The following CORIN variants were observed in gnomAD, a reference collection of about 807,000 sequenced individuals.
The protein encoded by CORIN is atrial natriuretic peptide-converting enzyme.
CORIN carries 117 observed loss-of-function variants against 125.3 expected under a neutral mutation model. That is an observed-to-expected ratio of 0.93 (90% CI 0.80 to 1.09). CORIN has a LOEUF of 1.09. Ranked by LOEUF, CORIN falls within the 50% of genes least tolerant of loss-of-function variation. CORIN has a pLI of 0.00. For missense variants in CORIN, 1,253 were observed against 1,306.7 expected (o/e 0.96, Z 0.63); for synonymous variants, 450 against 466.4 (o/e 0.96, Z 0.45).
At chr4:47,806,873 T>C (rs1178200962) in intron 2 of CORIN, 30 bp downstream of exon 2, 1 of 1,586,044 alleles carries the variant, frequency 6.3e-7, no homozygotes, top group Non-Finnish European at 8.6e-7. Flanking sequence ...CACTTTAACT[T>C]CATTTTTATT....
intron 9 of CORIN, among the ~76,000 whole-genome samples, chr4:47,676,073 C>T (rs972798040): frequency 6.6e-6 from 1 of 152,092 alleles, no homozygotes; most frequent in Non-Finnish European, 1.5e-5. Flanking sequence ...AGAGGCTAGA[C>T]AGATAGGCAG....
At chr4:47,800,551 A>T (rs1731495374) in intron 2 of CORIN, among the ~76,000 whole-genome samples, 1 of 152,136 alleles carries the variant, frequency 6.6e-6, no homozygotes, top group Admixed American at 6.5e-5. Context: ...CTCTGGACAA[A>T]ACACAAAAAG....
chr4:47,671,663 C>A (rs1724765208), intron 10 of CORIN, among the ~76,000 whole-genome samples: 1 of 152,196 alleles, frequency 6.6e-6, no homozygotes, highest in Admixed American at 6.5e-5. Context: ...CAGCTCACTG[C>A]AACCTCCACC....
In CORIN at chr4:47,663,243, T is replaced by C. The variant is rs113095583; in HGVS notation, c.1590-1387A>G. Among the ~76,000 whole-genome samples, 187 of 152,250 alleles carry C rather than the reference T, an allele frequency of 1.2e-3. 1 individual carries two copies. Among genetic ancestry groups the C allele is most frequent in the African/African-American group, 4.3e-3 (178 of 41,544 alleles). ...CTCTGATGATACACACTTCAAAAGG[T>C]TATTTTGAGTACGCTACAGCATAAC... On this transcript the variant is annotated intron_variant, in intron 11 of 21. Coordinates refer to ENST00000273857, the MANE Select transcript of CORIN (RefSeq NM_006587.4).
chr4:47,721,549 G>A (rs1411264526), intron 5 of CORIN, among the ~76,000 whole-genome samples: 2 of 152,260 alleles, frequency 1.3e-5, no homozygotes, highest in South Asian at 2.1e-4. Flanking sequence ...GATTACAGGC[G>A]TGAGCCACTG....
chr4:47,806,437 C>T (rs1731798869), intron 2 of CORIN, among the ~76,000 whole-genome samples: 1 of 152,190 alleles, frequency 6.6e-6, no homozygotes, highest in Non-Finnish European at 1.5e-5. Context: ...AATGTGACTC[C>T]TGAACTACTG....
chr4:47,678,558 T>A (rs1725125957), intron 8 of CORIN, among the ~76,000 whole-genome samples: 1 of 152,328 alleles, frequency 6.6e-6, no homozygotes, highest in Middle Eastern at 3.4e-3. Context: ...CTTGACCTCA[T>A]AAGCCAACAA....
In CORIN at chr4:47,665,117, A is replaced by G; in HGVS notation, c.1504T>C (p.Cys502Arg). The G allele has an allele frequency of 1.2e-6, 2 of 1,613,928 alleles. No individual in the cohort carries two copies. Among genetic ancestry groups the G allele is most frequent in the Non-Finnish European group, 1.7e-6 (2 of 1,179,850 alleles). The change falls in exon 11 of 22, where the codon TGT becomes CGT. Residue 502 changes from cysteine (C) to arginine (R), a missense_variant. Cys to Arg is a radical substitution (Grantham distance 180). Transcript: ENST00000273857. ...GAAAAGAACATGAGGTATTTATAAC[A>G]GTTGGTTTGAACAAGTGCAGGGAAA... ...SLFPALVQTN[C>R]YKYLMFFSCT...
chr4:47,763,598 A>G lies in CORIN; in HGVS notation c.410-12T>C. 3 of 1,609,004 alleles carry G rather than the reference A, an allele frequency of 1.9e-6. No homozygotes were observed. The East Asian group carries it at 6.7e-5, about 36-fold the overall frequency. Reference sequence around the variant, plus strand: ...GTTCATACAGGCACCTGGGAAGTAAAGACATGCACATTTAAGAGTGGACAC... The same window carrying G: ...GTTCATACAGGCACCTGGGAAGTAAGGACATGCACATTTAAGAGTGGACAC... On this transcript the variant is annotated splice_polypyrimidine_tract_variant and intron_variant, in intron 3 of 21. Coordinates refer to ENST00000273857, the MANE Select transcript of CORIN (RefSeq NM_006587.4).
Position 47,683,725 on chromosome 4 carries a change from A to T in CORIN, c.1021+6T>A. On this transcript the variant is annotated splice_donor_region_variant and intron_variant, in intron 7 of 21. Coordinates refer to ENST00000273857, the MANE Select transcript of CORIN (RefSeq NM_006587.4). ...TTAAAACCTTTGGGGAAACAATGCTACTTACCACAGTTTTGCTCATCACTC... is the reference window on the plus strand; with the variant it reads ...TTAAAACCTTTGGGGAAACAATGCTTCTTACCACAGTTTTGCTCATCACTC... The T allele has an allele frequency of 6.3e-7, 1 of 1,599,326 alleles. No homozygotes were observed. The highest frequency in any genetic ancestry group is 1.3e-5 in the African/African-American group (1 of 74,608).
chr4:47,722,107 T>C (rs1727371764), intron 5 of CORIN, among the ~76,000 whole-genome samples: 1 of 152,246 alleles, frequency 6.6e-6, no homozygotes, highest in Admixed American at 6.5e-5. Context: ...TGAGTACATG[T>C]ATTCCCATCA....
chr4:47,732,441 C>A (rs1331306678), intron 5 of CORIN, among the ~76,000 whole-genome samples: 2 of 152,180 alleles, frequency 1.3e-5, no homozygotes, highest in Non-Finnish European at 2.9e-5. Context: ...AAAGGAAGTG[C>A]ATACCCCAGC....
intron 20 of CORIN, among the ~76,000 whole-genome samples, chr4:47,601,334 T>C (rs1721441546): frequency 7.0e-6 from 1 of 143,858 alleles, no homozygotes. Flanking sequence ...TTTTTTTTTT[T>C]GAGACAGGGT....
At chr4:47,686,683 G>A (rs1725530178) in intron 6 of CORIN, among the ~76,000 whole-genome samples, 1 of 152,092 alleles carries the variant, frequency 6.6e-6, no homozygotes, top group Non-Finnish European at 1.5e-5. Context: ...GGGAAGTTTT[G>A]AGTCAACATG....
intron 5 of CORIN, among the ~76,000 whole-genome samples, chr4:47,714,464 G>A (rs901643176): frequency 3.3e-5 from 5 of 152,190 alleles, no homozygotes; most frequent in Non-Finnish European, 7.3e-5. Flanking sequence ...ATGCTGGAGA[G>A]TAAACATGAC....
chr4:47,633,263 C>T (rs1560481811), intron 16 of CORIN, among the ~76,000 whole-genome samples: 2 of 151,976 alleles, frequency 1.3e-5, no homozygotes, highest in Non-Finnish European at 2.9e-5. Flanking sequence ...ATAAACAAAA[C>T]TAAATATTTA....
chr4:47,738,044 G>A (rs950513634), intron 5 of CORIN, among the ~76,000 whole-genome samples: 3 of 151,996 alleles, frequency 2.0e-5, no homozygotes, highest in African/African-American at 7.3e-5. Flanking sequence ...TCTGAGGTGG[G>A]GATATCACTT....
chr4:47,684,273 T>C (rs1200980399), intron 6 of CORIN, among the ~76,000 whole-genome samples: 4 of 152,234 alleles, frequency 2.6e-5, no homozygotes, highest in Non-Finnish European at 5.9e-5. Flanking sequence ...ATTATGGAGT[T>C]ATTATTTCCT....
chr4:47,684,284 T>C (rs3792709), intron 6 of CORIN, among the ~76,000 whole-genome samples: 69,530 of 152,088 alleles, frequency 0.46, 17,899 homozygotes, highest in Non-Finnish European at 0.59. Flanking sequence ...ATTATTTCCT[T>C]TCACATAAAC....
Sources: gnomAD v4.1 joint callset for allele counts (sites outside exome capture counted in the v4.1 genomes callset) on GRCh38, gnomAD v4.1.1 for gene constraint, MANE v1.5 for transcripts, NCBI Gene and HGNC (gene_info 2026-07-23, HGNC 2026-07-21) for gene names.